The following SLC6A11 variants were observed in gnomAD, a reference collection of about 807,000 sequenced individuals.
SLC6A11 encodes the protein solute carrier family 6 member 11.
SLC6A11 carries 25 observed loss-of-function variants against 74.8 expected under a neutral mutation model. That is an observed-to-expected ratio of 0.33 (90% CI 0.24 to 0.47). The LOEUF (loss-of-function observed/expected upper bound fraction) is 0.47, where lower values mean the gene tolerates loss of function less well. SLC6A11 is among the 20% of genes least tolerant of loss of function. The pLI is 1.00. For synonymous variants in SLC6A11, 330 were observed against 330.2 expected (o/e 1.00, Z 0.01); for missense variants, 574 against 837.0 (o/e 0.69, Z 3.88).
chr3:10,840,253 C>G (rs1016346153), intron 4 of SLC6A11, among the ~76,000 whole-genome samples: 1 of 152,192 alleles, frequency 6.6e-6, no homozygotes, highest in African/African-American at 2.4e-5. Context: ...CCTTCTTTGG[C>G]CTCGTGGTGT....
intron 6 of SLC6A11, among the ~76,000 whole-genome samples, chr3:10,887,288 G>A (rs1004375828): frequency 3.5e-5 from 5 of 144,030 alleles, no homozygotes; most frequent in African/African-American, 1.3e-4. Flanking sequence ...GATGATGGAT[G>A]ATAAATGGAT....
chr3:10,929,478 A>G, intron 10 of SLC6A11, 139 bp downstream of exon 10: 2 of 888,746 alleles, frequency 2.3e-6, no homozygotes, highest in South Asian at 3.3e-5. Flanking sequence ...CTAGCGGGTC[A>G]TGGTGAGGAT....
chr3:10,861,603 T>C (rs1021612829), intron 5 of SLC6A11, among the ~76,000 whole-genome samples: 1 of 151,958 alleles, frequency 6.6e-6, no homozygotes, highest in African/African-American at 2.4e-5. Context: ...GGCAGAAAAC[T>C]AGAAAAGTCC....
chr3:10,889,464 C>T (rs1032440220), intron 6 of SLC6A11, among the ~76,000 whole-genome samples: 26 of 152,170 alleles, frequency 1.7e-4, no homozygotes, highest in Non-Finnish European at 3.5e-4. Flanking sequence ...GTTCAGCCCT[C>T]CCTTCCCCTG....
At chr3:10,830,906 C>A (rs930845012) in intron 4 of SLC6A11, among the ~76,000 whole-genome samples, 4 of 152,118 alleles carry the variant, frequency 2.6e-5, no homozygotes, top group Admixed American at 2.6e-4. Context: ...CAGGTGGAGG[C>A]CCTGGATGTG....
intron 6 of SLC6A11, among the ~76,000 whole-genome samples, chr3:10,908,415 TG>T (rs1271110625): frequency 6.6e-6 from 1 of 152,174 alleles, no homozygotes; most frequent in African/African-American, 2.4e-5. Flanking sequence ...GTAAAGGTGC[TG>T]GTTTAATGGT....
chr3:10,896,434 A>G (rs1409862311), intron 6 of SLC6A11, among the ~76,000 whole-genome samples: 1 of 152,200 alleles, frequency 6.6e-6, no homozygotes, highest in African/African-American at 2.4e-5. Context: ...GCTTGGAATG[A>G]TGATTTTCCC....
At chr3:10,921,057 C>T (rs544838739) in intron 8 of SLC6A11, among the ~76,000 whole-genome samples, 11 of 152,318 alleles carry the variant, frequency 7.2e-5, no homozygotes, top group East Asian at 3.9e-4. Flanking sequence ...CAGAACACTT[C>T]GGAGACTGAG....
intron 5 of SLC6A11, among the ~76,000 whole-genome samples, chr3:10,862,275 C>T (rs984637187): frequency 9.2e-5 from 14 of 152,162 alleles, no homozygotes; most frequent in Non-Finnish European, 1.9e-4. Flanking sequence ...ACTCCTAATA[C>T]CAGTGTAAGC....
chr3:10,929,701 C>T (rs1695659268), intron 10 of SLC6A11, among the ~76,000 whole-genome samples: 1 of 152,190 alleles, frequency 6.6e-6, no homozygotes, highest in Admixed American at 6.5e-5. Flanking sequence ...CAGCATTTAC[C>T]TATGAGTGGT....
chr3:10,823,190 C>A, intron 3 of SLC6A11, 112 bp from the exon 4 acceptor site: 1 of 723,786 alleles, frequency 1.4e-6, no homozygotes, highest in African/African-American at 1.7e-5. Flanking sequence ...GCATGTTTAC[C>A]TGGAGTGGGT....
chr3:10,938,283 C>T lies in SLC6A11; in HGVS notation c.1780C>T (p.Leu594=), dbSNP rs745758816. ...LQKLTTPSTD[L]KMRGKLGVSP... The stretch of plus-strand genomic sequence containing the variant: ...GAAGTTGACGACCCCCAGCACAGAT[C>T]TGAAAATGCGGGGCAAGCTTGGGGT... The change falls in exon 14 of 14, where the codon CTG becomes TTG. Residue 594 remains leucine (L), a synonymous_variant. Coordinates refer to ENST00000254488, the MANE Select transcript of SLC6A11 (RefSeq NM_014229.3). The T allele has an allele frequency of 2.5e-6, 4 of 1,611,868 alleles. No homozygotes were observed. The South Asian group carries it at 4.4e-5, about 18-fold the overall frequency.
intron 4 of SLC6A11, among the ~76,000 whole-genome samples, chr3:10,840,910 A>T (rs1283774572): frequency 6.6e-6 from 1 of 152,180 alleles, no homozygotes; most frequent in African/African-American, 2.4e-5. Flanking sequence ...AAGCCATTGA[A>T]GGTAGGTATC....
intron 5 of SLC6A11, among the ~76,000 whole-genome samples, chr3:10,851,179 G>A (rs1694571228): frequency 6.6e-6 from 1 of 151,912 alleles, no homozygotes; most frequent in Non-Finnish European, 1.5e-5. Flanking sequence ...CCTTCTCTTG[G>A]TGGATGATTT....
chr3:10,843,569 G>A (rs1465606088), intron 4 of SLC6A11, among the ~76,000 whole-genome samples: 1 of 152,166 alleles, frequency 6.6e-6, no homozygotes, highest in African/African-American at 2.4e-5. Flanking sequence ...GATAGGTTGG[G>A]TTATGCTGCA....
chr3:10,881,446 C>G (rs1694980919), intron 6 of SLC6A11, among the ~76,000 whole-genome samples: 1 of 152,120 alleles, frequency 6.6e-6, no homozygotes, highest in Non-Finnish European at 1.5e-5. Context: ...AGTAGAGTGG[C>G]TGCATTTATA....
intron 6 of SLC6A11, among the ~76,000 whole-genome samples, chr3:10,886,322 G>A (rs1695041837): frequency 6.6e-6 from 1 of 152,148 alleles, no homozygotes; most frequent in Non-Finnish European, 1.5e-5. Context: ...GCTCCCCGTG[G>A]CCATGGTCAA....
intron 1 of SLC6A11, among the ~76,000 whole-genome samples, chr3:10,818,384 C>T (rs1215546580): frequency 6.6e-6 from 1 of 152,106 alleles, no homozygotes; most frequent in African/African-American, 2.4e-5. Context: ...TTTTTGCTTT[C>T]TAATGTAGTT....
intron 4 of SLC6A11, among the ~76,000 whole-genome samples, chr3:10,831,535 T>G (rs1694297689): frequency 6.6e-6 from 1 of 152,174 alleles, no homozygotes; most frequent in African/African-American, 2.4e-5. Flanking sequence ...GTATATGCCT[T>G]TATAACCATA....
Sources: gnomAD v4.1 joint callset for allele counts (sites outside exome capture counted in the v4.1 genomes callset) on GRCh38, gnomAD v4.1.1 for gene constraint, MANE v1.5 for transcripts, NCBI Gene and HGNC (gene_info 2026-07-23, HGNC 2026-07-21) for gene names.